Variants in JAK2 observed in about 807,000 individuals in gnomAD.
JAK2 encodes Janus kinase 2, also known as tyrosine-protein kinase JAK2.
In JAK2, 86 loss-of-function variants were observed where a neutral mutation model predicts 139.3. The observed-to-expected ratio is 0.62, with a 90% CI of 0.52 to 0.74. The LOEUF is 0.74. Among genes scored for constraint, JAK2 ranks in the 30% least tolerant of loss-of-function variants. The probability of loss-of-function intolerance (pLI) is 0.00; values close to 1 mark genes in which losing one functional copy is unlikely to be tolerated. For synonymous variants in JAK2, 490 were observed against 437.7 expected (o/e 1.12, Z -1.49); for missense variants, 1,421 against 1,360.3 (o/e 1.04, Z -0.70).
intron 22 of JAK2, among the ~76,000 whole-genome samples, chr9:5,104,025 A>G (rs1360947603): frequency 1.3e-5 from 2 of 152,202 alleles, no homozygotes; most frequent in Non-Finnish European, 2.9e-5. Flanking sequence ...AGCAAGAGCA[A>G]ACAAATTCAA....
At chr9:4,998,414 G>T (rs1004017820) in intron 2 of JAK2, among the ~76,000 whole-genome samples, 1 of 151,966 alleles carries the variant, frequency 6.6e-6, no homozygotes, top group South Asian at 2.1e-4. Flanking sequence ...GCACCACCAC[G>T]CCCAGCTAAT....
chr9:5,056,282 T>A lies in JAK2; in HGVS notation c.1056+494T>A, dbSNP rs184715922. ...AAAAGATTAACGCTTTCTCTTTTTT[T>A]AAATAGCTTCAGAAATCTAATTTAT... On this transcript the variant is annotated intron_variant, in intron 8 of 24. Coordinates refer to ENST00000381652, the MANE Select transcript of JAK2 (RefSeq NM_004972.4). 8.9e-3 allele frequency among the ~76,000 whole-genome samples: 1,358 copies of A among 152,226 alleles called. 17 individuals are homozygous for A. The highest frequency in any genetic ancestry group is 0.03 in the African/African-American group (1,227 of 41,558).
In JAK2 at chr9:5,129,362, A is replaced by AGCTT. The variant is rs1824199079; in HGVS notation, c.*2572_*2575dup. Among the ~76,000 whole-genome samples the AGCTT allele has an allele frequency of 6.6e-6, 1 of 152,152 alleles. No individual in the cohort carries two copies. Among genetic ancestry groups the AGCTT allele is most frequent in the South Asian group, 2.1e-4 (1 of 4,834 alleles). On this transcript the variant is annotated 3_prime_UTR_variant, in exon 25 of 25. Transcript: ENST00000381652. ...CACCTTGGTTTAGGGATGTTGTGATAGCTTACCTTCCAGTTTTTAAGAAAT... is the reference window on the plus strand; with the variant it reads ...CACCTTGGTTTAGGGATGTTGTGATAGCTTGCTTACCTTCCAGTTTTTAAGAAAT...
At chr9:5,033,431 A>G (rs1823319376) in intron 4 of JAK2, among the ~76,000 whole-genome samples, 1 of 152,190 alleles carries the variant, frequency 6.6e-6, no homozygotes, top group African/African-American at 2.4e-5. Context: ...TCCAACACAC[A>G]TAATTGTCAG....
intron 16 of JAK2, among the ~76,000 whole-genome samples, chr9:5,079,643 A>T (rs553608887): frequency 5.8e-4 from 86 of 148,292 alleles, no homozygotes; most frequent in African/African-American, 1.9e-3. Context: ...TAAACTATAT[A>T]AAAAAAAAAG....
intron 22 of JAK2, among the ~76,000 whole-genome samples, chr9:5,102,401 C>A (rs1325642947): frequency 6.6e-6 from 1 of 152,026 alleles, no homozygotes; most frequent in Non-Finnish European, 1.5e-5. Context: ...GTGAAAAGAC[C>A]AAATCTACAT....
intron 22 of JAK2, among the ~76,000 whole-genome samples, chr9:5,103,913 A>T (rs1235462561): frequency 1.3e-5 from 2 of 152,230 alleles, no homozygotes; most frequent in African/African-American, 4.8e-5. Flanking sequence ...GACATATTTA[A>T]GGCAGTGTGT....
chr9:5,046,663 T>C (rs115021808), intron 5 of JAK2, among the ~76,000 whole-genome samples: 3,208 of 152,282 alleles, frequency 0.021, 135 homozygotes, highest in African/African-American at 0.074. Context: ...CTTTTCTCCA[T>C]TGAATGGTCT....
intron 14 of JAK2, among the ~76,000 whole-genome samples, chr9:5,074,155 A>G (rs2130560115): frequency 6.6e-6 from 1 of 152,248 alleles, no homozygotes; most frequent in East Asian, 1.9e-4. Context: ...TAAATGATAC[A>G]CTTAATTTTT....
At chr9:5,103,682 C>T (rs1012453450) in intron 22 of JAK2, among the ~76,000 whole-genome samples, 2 of 152,088 alleles carry the variant, frequency 1.3e-5, no homozygotes, top group Non-Finnish European at 2.9e-5. Context: ...GCACTTCTCA[C>T]CAAACGTAAA....
intron 2 of JAK2, among the ~76,000 whole-genome samples, chr9:5,013,658 ATTCTAT>A (rs1314570014): frequency 6.6e-6 from 1 of 152,152 alleles, no homozygotes; most frequent in African/African-American, 2.4e-5. Flanking sequence ...ACTTGTCAAA[ATTCTAT>A]TTTCCTTTTA....
intron 5 of JAK2, among the ~76,000 whole-genome samples, chr9:5,049,250 C>A (rs1490909776): frequency 6.6e-6 from 1 of 152,184 alleles, no homozygotes; most frequent in East Asian, 1.9e-4. Context: ...ATGGAAGAGA[C>A]ATGATGAAAA....
chr9:5,029,331 T>C (rs1822988508), intron 3 of JAK2, among the ~76,000 whole-genome samples: 1 of 152,182 alleles, frequency 6.6e-6, no homozygotes, highest in Admixed American at 6.5e-5. Flanking sequence ...GCACGGTTCA[T>C]AGCGGCCCCA....
At chr9:5,023,657 G>T (rs955610484) in intron 3 of JAK2, among the ~76,000 whole-genome samples, 1 of 152,110 alleles carries the variant, frequency 6.6e-6, no homozygotes, top group Non-Finnish European at 1.5e-5. Flanking sequence ...AATCCCGGCT[G>T]GGCAGGCTGT....
At chr9:5,040,531 C>G (rs531050968) in intron 4 of JAK2, among the ~76,000 whole-genome samples, 1 of 152,320 alleles carries the variant, frequency 6.6e-6, no homozygotes, top group East Asian at 1.9e-4. Flanking sequence ...CAAATGGGTT[C>G]CACAAAATGG....
At chr9:5,070,337 C>T (rs1181657549) in intron 12 of JAK2, among the ~76,000 whole-genome samples, 1 of 151,994 alleles carries the variant, frequency 6.6e-6, no homozygotes, top group Admixed American at 6.6e-5. Flanking sequence ...ACCTATATCG[C>T]AACTCCCAAG....
chr9:5,085,650 G>C (rs1281702638), intron 19 of JAK2: 3 of 724,298 alleles, frequency 4.1e-6, no homozygotes, highest in Non-Finnish European at 7.7e-6. Context: ...CCCAGATCTT[G>C]TGTGTTTTCC....
intron 2 of JAK2, among the ~76,000 whole-genome samples, chr9:5,000,618 T>C (rs956305919): frequency 6.6e-6 from 1 of 152,226 alleles, no homozygotes; most frequent in East Asian, 1.9e-4. Context: ...TTTTTGAGCT[T>C]ATGTTTCATC....
intron 19 of JAK2, among the ~76,000 whole-genome samples, chr9:5,083,231 G>A (rs961145324): frequency 1.3e-5 from 2 of 152,114 alleles, no homozygotes; most frequent in Admixed American, 6.5e-5. Flanking sequence ...TAGGGTCTAG[G>A]ATTTTGACTG....
Sources: allele counts gnomAD v4.1 joint callset (sites outside exome capture counted in the v4.1 genomes callset), GRCh38; gene constraint gnomAD v4.1.1; transcripts MANE v1.5; gene names NCBI Gene and HGNC (gene_info 2026-07-23, HGNC 2026-07-21).